XKR9: variants seen among roughly 807,000 people sequenced by gnomAD.
The protein encoded by XKR9 is XK-related protein 9.
XKR9 carries 32 observed loss-of-function variants against 32.0 expected under a neutral mutation model. The observed-to-expected ratio is 1.00, with a 90% confidence interval of 0.76 to 1.34. The LOEUF (loss-of-function observed/expected upper bound fraction) is 1.34. Among genes scored for constraint, XKR9 ranks in the 40% most tolerant of loss-of-function variants. The pLI is 0.00. For missense variants in XKR9, 546 were observed against 429.7 expected (o/e 1.27, Z -2.39); for synonymous variants, 168 against 143.4 (o/e 1.17, Z -1.22).
At chr8:70,799,859 C>G in the XKR9 span, among the ~76,000 whole-genome samples, 1 of 152,054 alleles carries the variant, frequency 6.6e-6, no homozygotes, top group African/African-American at 2.4e-5. Context: ...TTATTTCTTT[C>G]TGTTTCCTGA....
chr8:70,796,671 C>T, the XKR9 span, among the ~76,000 whole-genome samples: 10 of 152,212 alleles, frequency 6.6e-5, no homozygotes, highest in East Asian at 1.4e-3. Flanking sequence ...TAAAGCATAT[C>T]ACTGTAAGGT....
the XKR9 span, among the ~76,000 whole-genome samples, chr8:70,967,097 C>G: frequency 1.0e-5 from 1 of 98,254 alleles, no homozygotes. Context: ...GAGTCTTGCT[C>G]TGTCACCCAG....
At chr8:70,814,468 T>G in the XKR9 span, among the ~76,000 whole-genome samples, 1 of 150,050 alleles carries the variant, frequency 6.7e-6, no homozygotes, top group Non-Finnish European at 1.5e-5. Context: ...AAAATAAAAA[T>G]AAATTATACC....
the XKR9 span, among the ~76,000 whole-genome samples, chr8:70,955,034 T>C: frequency 6.6e-6 from 1 of 152,212 alleles, no homozygotes; most frequent in African/African-American, 2.4e-5. Context: ...CAATGTGTAA[T>C]TTATTCCACG....
the XKR9 span, among the ~76,000 whole-genome samples, chr8:70,982,803 A>G: frequency 6.6e-6 from 1 of 152,236 alleles, no homozygotes; most frequent in Admixed American, 6.5e-5. Flanking sequence ...CAGGAACTAC[A>G]TGCTAGTCCT....
chr8:71,038,909 A>C, the XKR9 span, among the ~76,000 whole-genome samples: 1 of 149,374 alleles, frequency 6.7e-6, no homozygotes, highest in Non-Finnish European at 1.5e-5. Flanking sequence ...GGTTCAAGAG[A>C]TTCTACTGCC....
intron 2 of XKR9, among the ~76,000 whole-genome samples, chr8:70,745,724 T>C (rs772589254): frequency 6.6e-6 from 1 of 152,204 alleles, no homozygotes; most frequent in Non-Finnish European, 1.5e-5. Flanking sequence ...ACAGAGAAAT[T>C]GGACGTGCTG....
chr8:70,815,493 C>T, the XKR9 span, among the ~76,000 whole-genome samples: 12 of 126,924 alleles, frequency 9.5e-5, no homozygotes, highest in African/African-American at 2.4e-4. Flanking sequence ...ACAAATTACA[C>T]GATCTCATTC....
chr8:70,990,336 C>T, the XKR9 span, among the ~76,000 whole-genome samples: 1 of 152,156 alleles, frequency 6.6e-6, no homozygotes, highest in South Asian at 2.1e-4. Context: ...GACTGCTCCC[C>T]TGACATGAAA....
the XKR9 span, among the ~76,000 whole-genome samples, chr8:70,924,995 A>T: frequency 2.0e-5 from 3 of 152,212 alleles, no homozygotes; most frequent in Non-Finnish European, 2.9e-5. Flanking sequence ...GTAAATTTTC[A>T]GGGATAGTCA....
At chr8:71,064,314 A>C in the XKR9 span, among the ~76,000 whole-genome samples, 1 of 152,150 alleles carries the variant, frequency 6.6e-6, no homozygotes, top group African/African-American at 2.4e-5. Flanking sequence ...TACTGTCATC[A>C]CACCTATAAA....
chr8:70,799,579 G>A, the XKR9 span, among the ~76,000 whole-genome samples: 4 of 152,060 alleles, frequency 2.6e-5, no homozygotes, highest in East Asian at 5.8e-4. Flanking sequence ...AGATCTGCCC[G>A]CTTCAGCCTC....
the XKR9 span, among the ~76,000 whole-genome samples, chr8:71,000,578 A>G: frequency 9.9e-5 from 15 of 152,244 alleles, no homozygotes; most frequent in Non-Finnish European, 1.5e-4. Flanking sequence ...TAAGCACTTT[A>G]TACATTTTGT....
At chr8:70,987,658 A>G in the XKR9 span, among the ~76,000 whole-genome samples, 18 of 152,292 alleles carry the variant, frequency 1.2e-4, no homozygotes, top group East Asian at 3.3e-3. Context: ...CCCATGGTCT[A>G]AACCATTGGT....
chr8:70,790,023 T>A (rs1807744876), intron 3 of XKR9: 2 of 150,782 alleles, frequency 1.3e-5, no homozygotes, highest in South Asian at 4.2e-4. Context: ...GTGCTCATTG[T>A]CCCAGTCACC....
At chr8:70,776,918 T>TG (rs372870674) in intron 2 of XKR9, among the ~76,000 whole-genome samples, 2 of 91,114 alleles carry the variant, frequency 2.2e-5, no homozygotes, top group Non-Finnish European at 2.1e-5. Context: ...AGGTTTTCTC[T>TG]TTCTTTCTCT....
chr8:70,756,782 T>C (rs1455759857), intron 2 of XKR9, among the ~76,000 whole-genome samples: 1 of 152,218 alleles, frequency 6.6e-6, no homozygotes, highest in Non-Finnish European at 1.5e-5. Flanking sequence ...TATAAGATCA[T>C]GTCATCTGCA....
chr8:70,985,547 A>G, the XKR9 span, among the ~76,000 whole-genome samples: 157 of 152,310 alleles, frequency 1.0e-3, 1 homozygote, highest in African/African-American at 3.5e-3. Context: ...GAAATGGACA[A>G]TCTTTGTACA....
At chr8:70,901,511 T>C in the XKR9 span, among the ~76,000 whole-genome samples, 1 of 152,122 alleles carries the variant, frequency 6.6e-6, no homozygotes, top group African/African-American at 2.4e-5. Flanking sequence ...GGGTGTTTGG[T>C]TTTTTTCCTT....
Sources: allele counts gnomAD v4.1 joint callset (sites outside exome capture counted in the v4.1 genomes callset), GRCh38; gene constraint gnomAD v4.1.1; transcripts MANE v1.5; gene names NCBI Gene and HGNC (gene_info 2026-07-23, HGNC 2026-07-21).